LRP6: variants seen among roughly 807,000 people sequenced by gnomAD.
LRP6 encodes low-density lipoprotein receptor-related protein 6.
A neutral mutation model predicts 184.1 loss-of-function variants in LRP6; 43 were observed. The ratio of observed to expected loss-of-function variants is 0.23; its 90% CI spans 0.18 to 0.30. The LOEUF is 0.30. Ranked by LOEUF, LRP6 falls within the 10% of genes least tolerant of loss-of-function variation. LRP6 has a pLI of 1.00. For missense variants in LRP6, 1,571 were observed against 2,005.3 expected, an observed-to-expected ratio of 0.78 and a Z score of 4.14; for synonymous variants, 719 against 684.9, an observed-to-expected ratio of 1.05 and a Z score of -0.78.
In LRP6 at chr12:12,126,012, G is replaced by A. The variant is rs191329193; in HGVS notation, c.4313-580C>T. On this transcript the variant is annotated intron_variant, in intron 20 of 22. Transcript: ENST00000261349. ...TTAAAAACCATGTTTGTCTACTTAA[G>A]AGTTACACCCATAGTAAGTTCCTAT... Among the ~76,000 whole-genome samples the A allele has an allele frequency of 6.6e-4, 101 of 152,276 alleles. 2 individuals carry two copies. Among genetic ancestry groups the A allele is most frequent in the African/African-American group, 2.3e-3 (95 of 41,560 alleles).
At chr12:12,243,773 CA>C (rs1269273724) in intron 2 of LRP6, among the ~76,000 whole-genome samples, 3 of 152,122 alleles carry the variant, frequency 2.0e-5, no homozygotes, top group Non-Finnish European at 4.4e-5. Flanking sequence ...TTTTTTGAGA[CA>C]AAGTCTCACT....
chr12:12,198,672 T>C (rs1863835217), intron 3 of LRP6, among the ~76,000 whole-genome samples: 1 of 151,938 alleles, frequency 6.6e-6, no homozygotes, highest in Admixed American at 6.6e-5. Context: ...TAGTTGTGAT[T>C]ACAGGCGTGC....
At chr12:12,231,689 T>G (rs1479864889) in intron 2 of LRP6, among the ~76,000 whole-genome samples, 3 of 151,816 alleles carry the variant, frequency 2.0e-5, no homozygotes, top group Non-Finnish European at 4.4e-5. Flanking sequence ...ACGGTTTTTT[T>G]TTTGTTTTGT....
At chr12:12,178,743 C>G (rs761900117) in intron 7 of LRP6, among the ~76,000 whole-genome samples, 18 of 152,256 alleles carry the variant, frequency 1.2e-4, no homozygotes, top group Middle Eastern at 3.4e-3. Flanking sequence ...TTTATGGAGT[C>G]TATGCAAAAT....
chr12:12,164,936 A>G (rs1862837073), intron 8 of LRP6, 143 bp downstream of exon 8: 3 of 335,090 alleles, frequency 9.0e-6, no homozygotes, highest in South Asian at 4.5e-5. Flanking sequence ...AAAAAAAAAA[A>G]AAAAAAAAAA....
intron 3 of LRP6, among the ~76,000 whole-genome samples, chr12:12,192,203 ATTAAG>A (rs1029887903): frequency 3.3e-5 from 5 of 152,094 alleles, no homozygotes; most frequent in Non-Finnish European, 7.4e-5. Flanking sequence ...ACTTTTCATA[ATTAAG>A]TTAATATTAC....
chr12:12,198,753 C>T (rs1052836435), intron 3 of LRP6, among the ~76,000 whole-genome samples: 11 of 151,916 alleles, frequency 7.2e-5, no homozygotes, highest in African/African-American at 1.2e-4. Flanking sequence ...AGGCTGGTCT[C>T]GAACTCCTGA....
intron 2 of LRP6, among the ~76,000 whole-genome samples, chr12:12,205,325 CAAACAAAAAAAAAA>C (rs1183632012): frequency 0.01 from 271 of 26,246 alleles, 1 homozygote; most frequent in African/African-American, 0.025. Context: ...CTGTCTCAAA[CAAACAAAAAAAAAA>C]AAAAAAAAAA....
At chr12:12,226,104 G>A (rs369151554) in intron 2 of LRP6, among the ~76,000 whole-genome samples, 5 of 152,142 alleles carry the variant, frequency 3.3e-5, no homozygotes, top group East Asian at 3.8e-4. Flanking sequence ...TCCCACCTAA[G>A]GGGATGAAAA....
chr12:12,192,128 A>C (rs1197104223), intron 3 of LRP6, among the ~76,000 whole-genome samples: 1 of 152,114 alleles, frequency 6.6e-6, no homozygotes, highest in Admixed American at 6.5e-5. Context: ...AATGAACTAT[A>C]AATGACAATA....
intron 3 of LRP6, 85 bp from the exon 4 acceptor site, chr12:12,187,204 T>C: frequency 1.8e-6 from 2 of 1,102,940 alleles, no homozygotes; most frequent in Admixed American, 2.0e-5. Context: ...AAAATGATCT[T>C]AGTTCACATT....
intron 2 of LRP6, among the ~76,000 whole-genome samples, chr12:12,215,072 C>T (rs1436217142): frequency 6.6e-6 from 1 of 152,150 alleles, no homozygotes; most frequent in Non-Finnish European, 1.5e-5. Context: ...GCTGCAGCAC[C>T]CATGGCAATA....
At chr12:12,217,371 A>T (rs1864375113) in intron 2 of LRP6, among the ~76,000 whole-genome samples, 1 of 152,040 alleles carries the variant, frequency 6.6e-6, no homozygotes, top group African/African-American at 2.4e-5. Flanking sequence ...TGCAGGAAAA[A>T]AACTCAGGGC....
At chr12:12,135,710 T>C (rs1308270416) in intron 16 of LRP6, among the ~76,000 whole-genome samples, 2 of 151,776 alleles carry the variant, frequency 1.3e-5, no homozygotes, top group Non-Finnish European at 2.9e-5. Flanking sequence ...GTCAGGTTGG[T>C]CCAGCTTGGA....
Position 12,118,731 on chromosome 12 carries a change from A to G in LRP6, c.*2395T>C, listed in dbSNP as rs968799759. On this transcript the variant is annotated 3_prime_UTR_variant, in exon 23 of 23. Coordinates refer to ENST00000261349, the MANE Select transcript of LRP6 (RefSeq NM_002336.3). ...GAAATATTAAGAATCCATCTCATCT[A>G]CCCCAGAAAGAGAACACTGAGATTA... is the stretch of plus-strand genomic sequence containing the variant. The G allele has an allele frequency of 6.6e-6, 1 of 152,200 alleles. No individual in the cohort carries two copies. The highest frequency in any genetic ancestry group is 2.4e-5 in the African/African-American group (1 of 41,444). 9.4% of individuals were successfully genotyped at this position (152,200 alleles called of 1,614,324 possible).
At chr12:12,148,912 C>G in intron 14 of LRP6, 30 bp downstream of exon 14, 1 of 1,529,298 alleles carries the variant, frequency 6.5e-7, no homozygotes, top group Non-Finnish European at 9.1e-7. Flanking sequence ...TCAGAAGCCA[C>G]AGTATCTGAA....
chr12:12,261,181 G>A (rs904831332), intron 1 of LRP6, among the ~76,000 whole-genome samples: 7 of 152,154 alleles, frequency 4.6e-5, no homozygotes, highest in African/African-American at 1.4e-4. Context: ...AACAGTTTGG[G>A]AGGCCGAGGC....
chr12:12,216,713 TA>T (rs775666641), intron 2 of LRP6, among the ~76,000 whole-genome samples: 1 of 147,350 alleles, frequency 6.8e-6, no homozygotes, highest in African/African-American at 2.5e-5. Flanking sequence ...CAAGCCCCAA[TA>T]AAACTAACGG....
intron 12 of LRP6, among the ~76,000 whole-genome samples, chr12:12,152,075 G>C (rs1180381930): frequency 6.6e-6 from 1 of 152,050 alleles, no homozygotes; most frequent in East Asian, 1.9e-4. Flanking sequence ...ATGTGTTGTG[G>C]GAGGGACCCA....
Sources: gnomAD v4.1 joint callset for allele counts (sites outside exome capture counted in the v4.1 genomes callset) on GRCh38, gnomAD v4.1.1 for gene constraint, MANE v1.5 for transcripts, NCBI Gene and HGNC (gene_info 2026-07-23, HGNC 2026-07-21) for gene names.